The following DNER variants were observed in gnomAD, a reference collection of about 807,000 sequenced individuals.
DNER encodes the protein delta and Notch-like epidermal growth factor-related receptor.
Under a neutral mutation model 78.2 loss-of-function variants are expected in DNER, and 33 were observed. That is an observed-to-expected ratio of 0.42 (90% confidence interval 0.32 to 0.56). DNER has a LOEUF of 0.56. Ranked by LOEUF, DNER falls within the 20% of genes least tolerant of loss-of-function variation. DNER has a pLI of 0.11. For missense variants in DNER, 918 were observed against 975.3 expected (o/e 0.94, Z 0.78); for synonymous variants, 417 against 384.8 (o/e 1.08, Z -0.98).
intron 1 of DNER, among the ~76,000 whole-genome samples, chr2:229,624,418 G>A (rs777804047): frequency 1.3e-4 from 19 of 151,874 alleles, no homozygotes; most frequent in Admixed American, 4.6e-4. Flanking sequence ...CTAAAAGTCC[G>A]TTCTTCAACA....
At chr2:229,604,843 T>C (rs1042115895) in intron 1 of DNER, among the ~76,000 whole-genome samples, 2 of 152,104 alleles carry the variant, frequency 1.3e-5, no homozygotes, top group Non-Finnish European at 2.9e-5. Context: ...AGGCTTCATA[T>C]AGACAGCTAC....
chr2:229,483,085 A>C (rs949477213), intron 6 of DNER, among the ~76,000 whole-genome samples: 2 of 152,130 alleles, frequency 1.3e-5, no homozygotes, highest in Admixed American at 6.5e-5. Flanking sequence ...ATGAGCTTGG[A>C]GTTTCCTGTT....
intron 8 of DNER, among the ~76,000 whole-genome samples, chr2:229,437,127 A>G (rs1012645984): frequency 6.6e-6 from 1 of 152,220 alleles, no homozygotes; most frequent in Non-Finnish European, 1.5e-5. Context: ...AGAAAACATA[A>G]AAAGGCAGGG....
intron 1 of DNER, among the ~76,000 whole-genome samples, chr2:229,646,548 T>A (rs1430296480): frequency 6.6e-6 from 1 of 152,272 alleles, no homozygotes; most frequent in South Asian, 2.1e-4. Flanking sequence ...CAGCCATCTC[T>A]GAGTTACTAA....
intron 11 of DNER, 89 bp from the exon 12 acceptor site, chr2:229,367,208 A>C (rs2106326548): frequency 1.3e-6 from 2 of 1,540,812 alleles, no homozygotes; most frequent in East Asian, 4.5e-5. Context: ...GATAACTTAA[A>C]ACCTAAGGGC....
At chr2:229,370,253 C>A (rs145217036) in intron 11 of DNER, among the ~76,000 whole-genome samples, 1 of 152,278 alleles carries the variant, frequency 6.6e-6, no homozygotes, top group East Asian at 1.9e-4. Context: ...AGAAAAATGA[C>A]CCACGTGCCC....
At chr2:229,440,561 C>T (rs777786159) in intron 8 of DNER, among the ~76,000 whole-genome samples, 3 of 152,338 alleles carry the variant, frequency 2.0e-5, no homozygotes, top group Middle Eastern at 3.4e-3. Flanking sequence ...CTCTCACCCT[C>T]TCCTATCTTG....
rs559634660 is a variant in DNER, at chr2:229,471,634, G to T, written c.1261+5506C>A. ...CTTTTTACCGAAGAAAACTAAGGGT[G>T]GAAGAGATAAAATTATGTGACTTAA... On this transcript the variant is annotated intron_variant, in intron 7 of 12. Coordinates refer to ENST00000341772, the MANE Select transcript of DNER (RefSeq NM_139072.4). Among the ~76,000 whole-genome samples, 6 of 152,254 alleles carry T rather than the reference G, an allele frequency of 3.9e-5. No homozygotes were observed. The East Asian group carries it at 7.7e-4, about 20-fold the overall frequency.
chr2:229,574,927 C>T (rs955043266), intron 4 of DNER, among the ~76,000 whole-genome samples: 7 of 151,954 alleles, frequency 4.6e-5, no homozygotes, highest in Admixed American at 1.3e-4. Flanking sequence ...AAGCTTTTGA[C>T]CGTAAGCTGG....
At chr2:229,442,162 C>A (rs1454662732) in intron 8 of DNER, among the ~76,000 whole-genome samples, 1 of 152,118 alleles carries the variant, frequency 6.6e-6, no homozygotes. Flanking sequence ...ATACAATCTA[C>A]AACTCTCAAG....
chr2:229,706,437 C>A (rs1249502235), intron 1 of DNER, among the ~76,000 whole-genome samples: 1 of 151,592 alleles, frequency 6.6e-6, no homozygotes, highest in African/African-American at 2.4e-5. Context: ...GTGGCACACA[C>A]CTATAACTTC....
In DNER at chr2:229,379,412, T is replaced by C. The variant is rs568437200; in HGVS notation, c.1855+8853A>G. 2.1e-4 allele frequency among the ~76,000 whole-genome samples: 32 copies of C among 152,244 alleles called. 2 individuals are homozygous for C. The South Asian group carries it at 6.4e-3, about 31-fold the overall frequency. ...AAATTTGTTTTTCCAGGTTACATAG[T>C]TAGAATATGATGGAGCTTGAATCTG... On this transcript the variant is annotated intron_variant, in intron 11 of 12. Transcript: ENST00000341772.
intron 8 of DNER, among the ~76,000 whole-genome samples, chr2:229,427,771 G>A (rs1210863783): frequency 1.3e-5 from 2 of 152,226 alleles, no homozygotes; most frequent in Non-Finnish European, 2.9e-5. Context: ...TAGAGCAAAG[G>A]GCAGAGAAGA....
intron 1 of DNER, among the ~76,000 whole-genome samples, chr2:229,616,597 C>G (rs371766372): frequency 6.6e-6 from 1 of 152,192 alleles, no homozygotes; most frequent in Non-Finnish European, 1.5e-5. Flanking sequence ...TAGAAGAACA[C>G]TAACTGGGGA....
intron 1 of DNER, among the ~76,000 whole-genome samples, chr2:229,661,369 C>T (rs569707082): frequency 1.4e-4 from 22 of 152,210 alleles, no homozygotes; most frequent in Middle Eastern, 6.8e-3. Flanking sequence ...AGGTATGTTC[C>T]GGGGCTTTCC....
intron 5 of DNER, among the ~76,000 whole-genome samples, chr2:229,537,194 C>A (rs780562347): frequency 3.9e-5 from 6 of 152,162 alleles, no homozygotes; most frequent in Admixed American, 2.0e-4. Flanking sequence ...TTTGAGAATG[C>A]TGCACCAAAA....
At chr2:229,682,338 C>G (rs1428548798) in intron 1 of DNER, among the ~76,000 whole-genome samples, 1 of 152,144 alleles carries the variant, frequency 6.6e-6, no homozygotes, top group Non-Finnish European at 1.5e-5. Flanking sequence ...TCAGAAGACT[C>G]AATATTTTCT....
chr2:229,396,407 T>C (rs1693143390), intron 10 of DNER, among the ~76,000 whole-genome samples: 1 of 152,210 alleles, frequency 6.6e-6, no homozygotes, highest in Non-Finnish European at 1.5e-5. Context: ...TAATATCACC[T>C]AGTTTAGAGG....
chr2:229,691,507 T>C (rs1469280904), intron 1 of DNER, among the ~76,000 whole-genome samples: 1 of 152,002 alleles, frequency 6.6e-6, no homozygotes, highest in Non-Finnish European at 1.5e-5. Context: ...TCTCTCCATA[T>C]TTAGGGTTGG....
Sources: allele counts gnomAD v4.1 joint callset (sites outside exome capture counted in the v4.1 genomes callset), GRCh38; gene constraint gnomAD v4.1.1; transcripts MANE v1.5; gene names NCBI Gene and HGNC (gene_info 2026-07-23, HGNC 2026-07-21).